OR2M4: variants seen among roughly 807,000 people sequenced by gnomAD.
OR2M4 encodes the protein olfactory receptor family 2 subfamily M member 4.
A neutral mutation model predicts 13.7 loss-of-function variants in OR2M4; 8 were observed. The ratio of observed to expected loss-of-function variants is 0.58; its 90% CI spans 0.34 to 1.05. The LOEUF (loss-of-function observed/expected upper bound fraction) is 1.05, where lower values mean the gene tolerates loss of function less well. Ranked by LOEUF, OR2M4 falls within the 50% of genes least tolerant of loss-of-function variation. OR2M4 has a pLI of 0.02. For synonymous variants in OR2M4, 152 were observed against 141.3 expected (o/e 1.08, Z -0.53); for missense variants, 374 against 381.6 (o/e 0.98, Z 0.17).
chr1:248,232,140 T>C (rs924589369), intron 1 of OR2M4, among the ~76,000 whole-genome samples: 5 of 152,196 alleles, frequency 3.3e-5, no homozygotes, highest in African/African-American at 9.7e-5. Context: ...TTTGTGTTCT[T>C]AATTTTTCAT....
chr1:248,238,105 T>C (rs1666576436), intron 1 of OR2M4, among the ~76,000 whole-genome samples: 1 of 152,186 alleles, frequency 6.6e-6, no homozygotes, highest in Non-Finnish European at 1.5e-5. Flanking sequence ...TGTTTTGAAA[T>C]GTCAAAATGT....
intron 1 of OR2M4, among the ~76,000 whole-genome samples, chr1:248,232,352 G>A (rs1467492270): frequency 6.6e-6 from 1 of 152,112 alleles, no homozygotes; most frequent in Non-Finnish European, 1.5e-5. Flanking sequence ...TGGACTCAGT[G>A]GGGTTGAGCT....
chr1:248,232,634 C>A (rs1254634524), intron 1 of OR2M4, among the ~76,000 whole-genome samples: 1 of 152,050 alleles, frequency 6.6e-6, no homozygotes. Context: ...TAATAATTGG[C>A]ATAAAATCAT....
Position 248,239,098 on chromosome 1 carries a change from C to G in OR2M4, c.170C>G (p.Thr57Ser), listed in dbSNP as rs764263525. The G allele has an allele frequency of 8.1e-6, 13 of 1,613,886 alleles. No homozygotes were observed. Among genetic ancestry groups the G allele is most frequent in the Non-Finnish European group, 1.1e-5 (13 of 1,179,956 alleles). The change falls in exon 2 of 2, where the codon ACC (threonine) becomes AGC (serine). Residue 57 changes from threonine (T) to serine (S), a missense_variant. Thr to Ser is a moderately conservative substitution (Grantham distance 58, BLOSUM62 1). Coordinates refer to ENST00000641868, the MANE Select transcript of OR2M4 (RefSeq NM_017504.2). Reference sequence around the variant, plus strand: ...ATCTACATAGAGAAACAGCTCCACACCCCCATGTACTTCCTCCTCAGTCAA... The same window carrying G: ...ATCTACATAGAGAAACAGCTCCACAGCCCCATGTACTTCCTCCTCAGTCAA... ...LLIYIEKQLHTPMYFLLSQLS... is the reference protein window; with the variant it reads ...LLIYIEKQLHSPMYFLLSQLS...
At chr1:248,234,771 C>CTT (rs957205754) in intron 1 of OR2M4, among the ~76,000 whole-genome samples, 10 of 140,928 alleles carry the variant, frequency 7.1e-5, no homozygotes, top group African/African-American at 2.1e-4. Flanking sequence ...GATGTTGAGC[C>CTT]TTTTTTTTTT....
In OR2M4 at chr1:248,239,073, A is replaced by C; in HGVS notation, c.145A>C (p.Ile49Leu). The change falls in exon 2 of 2, where the codon ATC (isoleucine) becomes CTC (leucine). Residue 49 changes from isoleucine to leucine, a missense_variant. By Grantham distance (5) the Ile-to-Leu change is conservative (BLOSUM62 2). Transcript: ENST00000641868. ...GGAAAATATTTCCATGGTTCTCCTCATCTACATAGAGAAACAGCTCCACAC... is the reference window on the plus strand; with the variant it reads ...GGAAAATATTTCCATGGTTCTCCTCCTCTACATAGAGAAACAGCTCCACAC... ...LMENISMVLL[I>L]YIEKQLHTPM... 1 of 1,614,002 alleles carries C rather than the reference A, an allele frequency of 6.2e-7. No homozygotes were observed. The highest frequency in any genetic ancestry group is 8.5e-7 in the Non-Finnish European group (1 of 1,179,976).
intron 1 of OR2M4, among the ~76,000 whole-genome samples, chr1:248,234,494 G>T (rs948090957): frequency 6.6e-6 from 1 of 151,922 alleles, no homozygotes; most frequent in East Asian, 1.9e-4. Flanking sequence ...TTCCCCCACC[G>T]CTGTGTCCAT....
At position 248,239,643 on chromosome 1, in the gene OR2M4, A is replaced by G. The variant is rs1666596428; in HGVS notation, c.715A>G (p.Thr239Ala). 1.2e-6 allele frequency: 2 copies of G among 1,613,904 alleles called. No individual in the cohort carries two copies. Among genetic ancestry groups the G allele is most frequent in the Admixed American group, 1.7e-5 (1 of 59,992 alleles). The change falls in exon 2 of 2, where the codon ACT becomes GCT. Residue 239 changes from threonine to alanine, a missense_variant. Physicochemically the swap from Thr to Ala is moderately conservative, Grantham distance 58. Transcript: ENST00000641868. ...TGGGGAAAGTCGTCGCAAGGCCTTC[A>G]CTACCTGCTCCTCCCACCTGTCTGT... ...GSGESRRKAF[T>A]TCSSHLSVVG...
intron 1 of OR2M4, among the ~76,000 whole-genome samples, chr1:248,232,429 G>A (rs961714885): frequency 3.3e-5 from 5 of 152,096 alleles, no homozygotes; most frequent in Admixed American, 1.3e-4. Flanking sequence ...TTCTCTGATC[G>A]CCATTAATAT....
chr1:248,244,676 A>C lies in OR2M4; in HGVS notation c.*4812A>C, dbSNP rs1002924099. The C allele has an allele frequency of 6.6e-6, 1 of 152,204 alleles. No homozygotes were observed. The highest frequency in any genetic ancestry group is 1.5e-5 in the Non-Finnish European group (1 of 68,030). 9.4% of individuals were successfully genotyped at this position (152,204 alleles called of 1,614,324 possible). A position where few individuals can be genotyped will look rare whatever the true frequency, so the allele number is the denominator to read the frequency against. The stretch of plus-strand genomic sequence containing the variant: ...ATGTAACAAACACGCACATGTACCC[A>C]CTGTGTCTAAAATAAAAGATGAAAT... On this transcript the variant is annotated 3_prime_UTR_variant, in exon 2 of 2. Coordinates refer to ENST00000641868, the MANE Select transcript of OR2M4 (RefSeq NM_017504.2).
At position 248,240,566 on chromosome 1, in the gene OR2M4, C is replaced by T. The variant is rs1246934478; in HGVS notation, c.*702C>T. 2 of 152,158 alleles carry T rather than the reference C, an allele frequency of 1.3e-5. No individual in the cohort carries two copies. The highest frequency in any genetic ancestry group is 2.4e-5 in the African/African-American group (1 of 41,422). The allele number at this position is 152,158 out of a possible 1,614,324, so 9.4% of individuals were successfully genotyped here. Reference sequence around the variant, plus strand: ...TAATCCTTATATTAACCATCAGAATCTGAAGGCAGAGCAAGATGATGGAAT... The same window carrying T: ...TAATCCTTATATTAACCATCAGAATTTGAAGGCAGAGCAAGATGATGGAAT... On this transcript the variant is annotated 3_prime_UTR_variant, in exon 2 of 2. Coordinates refer to ENST00000641868, the MANE Select transcript of OR2M4 (RefSeq NM_017504.2).
Position 248,239,430 on chromosome 1 carries a change from TA to T in OR2M4, c.503del (p.Tyr168SerfsTer38), listed in dbSNP as rs1558261992. 6.2e-7 allele frequency: 1 copy of T among 1,614,162 alleles called. No individual in the cohort carries two copies. On this transcript the variant is annotated frameshift_variant, in exon 2 of 2. Transcript: ENST00000641868. LOFTEE classifies it high-confidence loss of function. ...IVLAAVLSFS[Y>X]CSSLEIHHFF... The stretch of plus-strand genomic sequence containing the variant: ...GCTTGCAGCTGTCCTGTCATTTTCT[TA>T]CTGCAGCTCTCTGGAAATTCATCAC...
rs947513025 is a variant in OR2M4, at chr1:248,243,197, A to G, written c.*3333A>G. 4 of 152,224 alleles carry G rather than the reference A, an allele frequency of 2.6e-5. No homozygotes were observed. The highest frequency in any genetic ancestry group is 9.7e-5 in the African/African-American group (4 of 41,444). 9.4% of individuals were successfully genotyped at this position (152,224 alleles called of 1,614,324 possible). The stretch of plus-strand genomic sequence containing the variant: ...TAAAAAGTTTATACATAAAATGTAA[A>G]ATATATCGTTATTAATTTTTAAGGT... On this transcript the variant is annotated 3_prime_UTR_variant, in exon 2 of 2. Transcript: ENST00000641868.
chr1:248,241,423 A>G lies in OR2M4; in HGVS notation c.*1559A>G, dbSNP rs2103023798. The G allele has an allele frequency of 6.6e-6, 1 of 152,276 alleles. No individual in the cohort carries two copies. The highest frequency in any genetic ancestry group is 2.1e-4 in the South Asian group (1 of 4,816). 9.4% of individuals were successfully genotyped at this position (152,276 alleles called of 1,614,324 possible). A position where few individuals can be genotyped will look rare whatever the true frequency, so the allele number is the denominator to read the frequency against. On this transcript the variant is annotated 3_prime_UTR_variant, in exon 2 of 2. Transcript: ENST00000641868. Reference sequence around the variant, plus strand: ...CTTAATATTTTGCTTCGTAAGCACCAATGGATTGATTCAACTGAAATTTTT... The same window carrying G: ...CTTAATATTTTGCTTCGTAAGCACCGATGGATTGATTCAACTGAAATTTTT...
In OR2M4 at chr1:248,239,798, T is replaced by C. The variant is rs1194987766; in HGVS notation, c.870T>C (p.Tyr290=). 3 of 1,613,986 alleles carry C rather than the reference T, an allele frequency of 1.9e-6. No individual in the cohort carries two copies. Among genetic ancestry groups the C allele is most frequent in the Non-Finnish European group, 2.5e-6 (3 of 1,180,012 alleles). ...ILTPMLNPLI[Y]SLRNKEVFRA... ...CCCCTATGCTGAACCCTCTCATTTATAGCCTCCGCAACAAAGAAGTGTTCA... is the reference window on the plus strand; with the variant it reads ...CCCCTATGCTGAACCCTCTCATTTACAGCCTCCGCAACAAAGAAGTGTTCA... Residue 290 remains tyrosine, a synonymous_variant, in exon 2 of 2, where the codon TAT becomes TAC. Transcript: ENST00000641868.
chr1:248,239,435 C>A lies in OR2M4; in HGVS notation c.507C>A (p.Cys169Ter). The A allele has an allele frequency of 6.2e-7, 1 of 1,614,070 alleles. No individual in the cohort carries two copies. The highest frequency in any genetic ancestry group is 1.3e-5 in the African/African-American group (1 of 74,992). Residue 169 changes from cysteine to a stop codon, truncating the protein, a stop_gained, in exon 2 of 2, where the codon TGC (cysteine) becomes TGA (stop). Transcript: ENST00000641868. LOFTEE classifies it high-confidence loss of function. ...CAGCTGTCCTGTCATTTTCTTACTGCAGCTCTCTGGAAATTCATCACTTTT... is the reference window on the plus strand; with the variant it reads ...CAGCTGTCCTGTCATTTTCTTACTGAAGCTCTCTGGAAATTCATCACTTTT... ...VLAAVLSFSY[C>*]SSLEIHHFFC...
chr1:248,239,315 T>C lies in OR2M4; in HGVS notation c.387T>C (p.Pro129=). The change falls in exon 2 of 2, where the codon CCT becomes CCC. Residue 129 remains proline (P), a synonymous_variant. Coordinates refer to ENST00000641868, the MANE Select transcript of OR2M4 (RefSeq NM_017504.2). ...AYDRYVAICH[P]LQYTILMNPK... ...ACCGCTATGTGGCTATATGTCACCC[T>C]CTTCAGTACACCATCCTCATGAATC... The C allele has an allele frequency of 6.2e-7, 1 of 1,614,082 alleles. No homozygotes were observed. The highest frequency in any genetic ancestry group is 8.5e-7 in the Non-Finnish European group (1 of 1,180,016).
rs374260868 is a variant in OR2M4, at chr1:248,239,692, C to T, written c.764C>T (p.Ala255Val). 5.7e-4 allele frequency: 922 copies of T among 1,614,058 alleles called. 15 individuals carry two copies. In the South Asian group the frequency reaches 9.6e-3, roughly 17 times the overall value. Residue 255 changes from alanine to valine, a missense_variant, in exon 2 of 2, where the codon GCT becomes GTT. Physicochemically the swap from Ala to Val is moderately conservative, Grantham distance 64 (BLOSUM62 0). Coordinates refer to ENST00000641868, the MANE Select transcript of OR2M4 (RefSeq NM_017504.2). ...GTGGTCGGACTCTACTACGGTGCTG[C>T]TATGTTCATGTACATGAGACCAGCT... Reference protein sequence around the residue: ...LSVVGLYYGAAMFMYMRPASK... With the variant: ...LSVVGLYYGAVMFMYMRPASK...
At chr1:248,237,451 T>G (rs1042069811) in intron 1 of OR2M4, among the ~76,000 whole-genome samples, 1 of 151,940 alleles carries the variant, frequency 6.6e-6, no homozygotes, top group Non-Finnish European at 1.5e-5. Context: ...GTCAGGAGTT[T>G]GAGATGAGCC....
Sources: allele counts gnomAD v4.1 joint callset (sites outside exome capture counted in the v4.1 genomes callset), GRCh38; gene constraint gnomAD v4.1.1; transcripts MANE v1.5; gene names NCBI Gene and HGNC (gene_info 2026-07-23, HGNC 2026-07-21).